Variants in KDM4B observed in about 807,000 individuals in gnomAD.
The protein encoded by KDM4B is lysine demethylase 4B.
In KDM4B, 32 loss-of-function variants were observed where a neutral mutation model predicts 125.2. That is an observed-to-expected ratio of 0.26 (90% confidence interval 0.19 to 0.34). The LOEUF (loss-of-function observed/expected upper bound fraction) is 0.34, where lower values mean the gene tolerates loss of function less well. Ranked by LOEUF, KDM4B falls within the 10% of genes least tolerant of loss-of-function variation. The pLI is 1.00. For missense variants in KDM4B, 1,190 were observed against 1,577.7 expected (o/e 0.75, Z 4.16); for synonymous variants, 721 against 677.9 (o/e 1.06, Z -0.99).
At chr19:4,975,010 G>A (rs1336935449) in intron 1 of KDM4B, among the ~76,000 whole-genome samples, 3 of 151,970 alleles carry the variant, frequency 2.0e-5, no homozygotes, top group Admixed American at 1.3e-4. Context: ...TGCTGTGCCC[G>A]CTGCCTGGTT....
intron 9 of KDM4B, among the ~76,000 whole-genome samples, chr19:5,094,290 T>A (rs2038773121): frequency 1.3e-5 from 2 of 152,232 alleles, no homozygotes; most frequent in Non-Finnish European, 2.9e-5. Context: ...GGGTGCAGGA[T>A]GCTGAGTAGC....
intron 1 of KDM4B, among the ~76,000 whole-genome samples, chr19:5,011,937 G>A (rs570268930): frequency 1.3e-5 from 2 of 152,350 alleles, no homozygotes; most frequent in East Asian, 1.9e-4. Context: ...GGGTCTTGGC[G>A]GAGGGGCTCA....
intron 2 of KDM4B, among the ~76,000 whole-genome samples, chr19:5,030,844 C>T (rs2036429938): frequency 6.6e-6 from 1 of 152,226 alleles, no homozygotes; most frequent in South Asian, 2.1e-4. Context: ...CCACTGTGGC[C>T]ACCACCGCAT....
intron 1 of KDM4B, among the ~76,000 whole-genome samples, chr19:4,980,902 GAGATGGCCCCGGGGCAGACA>G (rs2034615844): frequency 2.1e-5 from 3 of 146,000 alleles, no homozygotes; most frequent in African/African-American, 8.0e-5. Context: ...AATACAGGCC[GAGATGGCCCCGGGGCAGACA>G]CAGCATAGAA....
At chr19:4,999,406 G>A (rs1385056157) in intron 1 of KDM4B, among the ~76,000 whole-genome samples, 1 of 152,062 alleles carries the variant, frequency 6.6e-6, no homozygotes, top group Non-Finnish European at 1.5e-5. Flanking sequence ...TCATCCTGTA[G>A]TCTCCCTCAT....
At chr19:5,038,047 G>A (rs1378612299) in intron 3 of KDM4B, among the ~76,000 whole-genome samples, 5 of 152,264 alleles carry the variant, frequency 3.3e-5, no homozygotes, top group Non-Finnish European at 7.3e-5. Flanking sequence ...CGATGCAGGC[G>A]TCAACACACA....
chr19:5,002,083 C>T (rs939761132), intron 1 of KDM4B, among the ~76,000 whole-genome samples: 15 of 152,030 alleles, frequency 9.9e-5, no homozygotes, highest in East Asian at 1.9e-4. Context: ...TTGCAACCTC[C>T]GCCTCCCAGG....
At chr19:5,116,963 T>A (rs887837342) in intron 10 of KDM4B, among the ~76,000 whole-genome samples, 1 of 152,082 alleles carries the variant, frequency 6.6e-6, no homozygotes, top group Non-Finnish European at 1.5e-5. Flanking sequence ...GGGATGAAGA[T>A]GTCAGGGTCA....
intron 6 of KDM4B, among the ~76,000 whole-genome samples, chr19:5,050,792 C>T (rs1029567163): frequency 1.1e-4 from 16 of 152,246 alleles, no homozygotes; most frequent in African/African-American, 2.9e-4. Context: ...CCCAGCTACT[C>T]GGGAGGCTGA....
intron 6 of KDM4B, among the ~76,000 whole-genome samples, chr19:5,048,693 C>T (rs1242867887): frequency 5.9e-5 from 9 of 152,332 alleles, no homozygotes; most frequent in Admixed American, 2.0e-4. Context: ...CACCTGCGTC[C>T]GAAGCGCAGA....
Position 5,137,268 on chromosome 19 carries a change from A to G in KDM4B, c.2315A>G (p.Tyr772Cys), listed in dbSNP as rs1400300249. The G allele has an allele frequency of 3.8e-6, 6 of 1,572,246 alleles. No homozygotes were observed. The highest frequency in any genetic ancestry group is 2.3e-5 in the East Asian group (1 of 42,944). Reference sequence around the variant, plus strand: ...AGCCCCCGCTGTCTTCCAGGTTGCTATGGCATCCGTCCCGAGCTGGTCAAT... The same window carrying G: ...AGCCCCCGCTGTCTTCCAGGTTGCTGTGGCATCCGTCCCGAGCTGGTCAAT... ...KCCLQVHASC[Y>C]GIRPELVNEG... Residue 772 changes from tyrosine to cysteine, a missense_variant, in exon 16 of 23, where the codon TAT (tyrosine) becomes TGT (cysteine). Physicochemically the swap from Tyr to Cys is radical, Grantham distance 194. Coordinates refer to ENST00000159111, the MANE Select transcript of KDM4B (RefSeq NM_015015.3).
intron 1 of KDM4B, among the ~76,000 whole-genome samples, chr19:4,972,724 T>C (rs2034303541): frequency 6.6e-6 from 1 of 152,142 alleles, no homozygotes; most frequent in Non-Finnish European, 1.5e-5. Flanking sequence ...CTTTCTTTCC[T>C]CCCCACTCAC....
At chr19:5,011,646 G>C (rs2035731555) in intron 1 of KDM4B, among the ~76,000 whole-genome samples, 1 of 152,236 alleles carries the variant, frequency 6.6e-6, no homozygotes, top group African/African-American at 2.4e-5. Context: ...CAGGCGTGCA[G>C]GTGAGAGGAT....
intron 6 of KDM4B, among the ~76,000 whole-genome samples, chr19:5,069,928 A>G (rs1184875476): frequency 6.6e-6 from 1 of 152,118 alleles, no homozygotes; most frequent in Non-Finnish European, 1.5e-5. Context: ...TTAAAAAACA[A>G]AGTGGCCTTT....
At chr19:5,055,879 G>T (rs2037379503) in intron 6 of KDM4B, among the ~76,000 whole-genome samples, 1 of 152,192 alleles carries the variant, frequency 6.6e-6, no homozygotes, top group African/African-American at 2.4e-5. Context: ...CGGGTTCCCT[G>T]TTATGAGCAT....
At chr19:5,085,603 G>T (rs1320148747) in intron 9 of KDM4B, among the ~76,000 whole-genome samples, 1 of 152,248 alleles carries the variant, frequency 6.6e-6, no homozygotes, top group Non-Finnish European at 1.5e-5. Flanking sequence ...AGCAAGTGGC[G>T]TGCAGCGCTC....
chr19:5,109,865 C>T (rs141228390), intron 9 of KDM4B, among the ~76,000 whole-genome samples: 1 of 152,218 alleles, frequency 6.6e-6, no homozygotes, highest in Admixed American at 6.5e-5. Context: ...CTGTTGTCTC[C>T]CTTCTTCCCA....
chr19:5,015,840 C>G (rs953230897), intron 1 of KDM4B, among the ~76,000 whole-genome samples: 5 of 152,246 alleles, frequency 3.3e-5, no homozygotes, highest in Non-Finnish European at 5.9e-5. Context: ...GCCCCTGCCC[C>G]CCTCTCTCCC....
intron 9 of KDM4B, among the ~76,000 whole-genome samples, chr19:5,106,763 G>A (rs367595066): frequency 6.6e-6 from 1 of 152,196 alleles, no homozygotes; most frequent in Non-Finnish European, 1.5e-5. Flanking sequence ...GCACCAAGAG[G>A]GGGGGCCTTG....
Sources: gnomAD v4.1 joint callset for allele counts (sites outside exome capture counted in the v4.1 genomes callset) on GRCh38, gnomAD v4.1.1 for gene constraint, MANE v1.5 for transcripts, NCBI Gene and HGNC (gene_info 2026-07-23, HGNC 2026-07-21) for gene names.